The following NCAPG variants were observed in gnomAD, a reference collection of about 807,000 sequenced individuals.
NCAPG encodes condensin complex subunit 3.
In NCAPG, 69 loss-of-function variants were observed where a neutral mutation model predicts 113.1. The observed-to-expected ratio is 0.61, with a 90% CI of 0.50 to 0.75. The LOEUF (loss-of-function observed/expected upper bound fraction) is 0.75. Among genes scored for constraint, NCAPG ranks in the 30% least tolerant of loss-of-function variants. NCAPG has a pLI of 0.00. For missense variants in NCAPG, 1,058 were observed against 1,177.0 expected (o/e 0.90, Z 1.48); for synonymous variants, 370 against 415.8 (o/e 0.89, Z 1.34).
Position 17,823,066 on chromosome 4 carries a change from T to C in NCAPG, c.1202T>C (p.Ile401Thr), listed in dbSNP as rs1392049118. The C allele has an allele frequency of 1.2e-5, 19 of 1,610,096 alleles. No homozygotes were observed. In the East Asian group the frequency reaches 2.0e-4, roughly 17 times the overall value. The change falls in exon 8 of 21, where the codon ATA (isoleucine) becomes ACA (threonine). Residue 401 changes from isoleucine (I) to threonine (T), a missense_variant. Ile to Thr is a moderately conservative substitution (Grantham distance 89). Transcript: ENST00000251496. Reference protein sequence around the residue: ...YIGNLMTKEFIGQQLILIIKS... With the variant: ...YIGNLMTKEFTGQQLILIIKS... ...GGAAATTTGATGACAAAAGAATTCA[T>C]AGGTCAACAATTGATTCTAATTATT... is the stretch of plus-strand genomic sequence containing the variant.
intron 5 of NCAPG, among the ~76,000 whole-genome samples, chr4:17,816,247 G>A (rs1366957347): frequency 6.6e-6 from 1 of 152,060 alleles, no homozygotes; most frequent in Non-Finnish European, 1.5e-5. Flanking sequence ...TACCTCATGT[G>A]CGCAGTTCAC....
rs769515012 is a variant in NCAPG, at chr4:17,818,055, C to T, written c.1085C>T (p.Pro362Leu). The change falls in exon 7 of 21, where the codon CCA (proline) becomes CTA (leucine). Residue 362 changes from proline (P) to leucine (L), a missense_variant. Coordinates refer to ENST00000251496, the MANE Select transcript of NCAPG (RefSeq NM_022346.5). Reference sequence around the variant, plus strand: ...GAAGAATTTTTAGAGCAGATTTTGCCAGAGCCTGTAGTATATGCAGACTAT... The same window carrying T: ...GAAGAATTTTTAGAGCAGATTTTGCTAGAGCCTGTAGTATATGCAGACTAT... ...EGEEFLEQIL[P>L]EPVVYADYLL... The T allele has an allele frequency of 1.2e-6, 2 of 1,612,960 alleles. No homozygotes were observed. Among genetic ancestry groups the T allele is most frequent in the Non-Finnish European group, 1.7e-6 (2 of 1,179,556 alleles).
Position 17,840,227 on chromosome 4 carries a change from AG to A in NCAPG, c.2767+19del, listed in dbSNP as rs1722294279. Reference sequence around the variant, plus strand: ...TGAAGATGGTAATCACATACTGAACAGAATATTTATAAGGTTCTGTTTTTTT... The same window carrying A: ...TGAAGATGGTAATCACATACTGAACAAATATTTATAAGGTTCTGTTTTTTT... On this transcript the variant is annotated intron_variant, in intron 18 of 20. Coordinates refer to ENST00000251496, the MANE Select transcript of NCAPG (RefSeq NM_022346.5). 6.5e-7 allele frequency: 1 copy of A among 1,543,628 alleles called. No homozygotes were observed.
chr4:17,824,037 G>C (rs996786078), intron 9 of NCAPG, among the ~76,000 whole-genome samples: 1 of 152,092 alleles, frequency 6.6e-6, no homozygotes, highest in Non-Finnish European at 1.5e-5. Flanking sequence ...TGGGGATATG[G>C]TTTTGTCCAT....
At chr4:17,822,190 CTTTT>C (rs1159844034) in intron 7 of NCAPG, among the ~76,000 whole-genome samples, 1 of 111,746 alleles carries the variant, frequency 8.9e-6, no homozygotes, top group Non-Finnish European at 1.9e-5. Context: ...AAGATTAAAT[CTTTT>C]TTTTTTTTTT....
intron 6 of NCAPG, 121 bp from the exon 7 acceptor site, chr4:17,817,818 T>C (rs1721276382): frequency 1.0e-6 from 1 of 974,388 alleles, no homozygotes; most frequent in Non-Finnish European, 1.4e-6. Flanking sequence ...CATTAATGAC[T>C]CTAATTAAAA....
intron 11 of NCAPG, among the ~76,000 whole-genome samples, chr4:17,825,923 ATC>A (rs1335270595): frequency 6.6e-6 from 1 of 152,020 alleles, no homozygotes; most frequent in Non-Finnish European, 1.5e-5. Flanking sequence ...TTTGTGGAGG[ATC>A]AATGACCTTT....
chr4:17,835,375 A>G (rs900035747), intron 14 of NCAPG, among the ~76,000 whole-genome samples: 4 of 151,996 alleles, frequency 2.6e-5, no homozygotes, highest in African/African-American at 9.7e-5. Context: ...AATTTTTTGT[A>G]GAGACAGGGT....
intron 7 of NCAPG, among the ~76,000 whole-genome samples, chr4:17,822,116 T>C (rs1414986662): frequency 6.6e-6 from 1 of 151,934 alleles, no homozygotes; most frequent in Non-Finnish European, 1.5e-5. Flanking sequence ...ATTGTATTCA[T>C]GGATTACTTG....
chr4:17,822,883 A>G (rs760950514), intron 7 of NCAPG, 100 bp from the exon 8 acceptor site: 1 of 879,542 alleles, frequency 1.1e-6, no homozygotes, highest in Non-Finnish European at 1.7e-6. Context: ...ATTTAGACGA[A>G]TATGACCTGA....
At chr4:17,823,562 T>C in intron 8 of NCAPG, 85 bp from the exon 9 acceptor site, 1 of 1,208,850 alleles carries the variant, frequency 8.3e-7, no homozygotes, top group Admixed American at 2.1e-5. Flanking sequence ...GAGGCAAATG[T>C]AATTAAGTTT....
rs1260945702 is a variant in NCAPG, at chr4:17,842,308, A to G, written c.2855-2A>G. 1 of 1,611,410 alleles carries G rather than the reference A, an allele frequency of 6.2e-7. No individual in the cohort carries two copies. The highest frequency in any genetic ancestry group is 8.5e-7 in the Non-Finnish European group (1 of 1,177,934). On this transcript the variant is annotated splice_acceptor_variant, in intron 19 of 20. Transcript: ENST00000251496. LOFTEE classifies it high-confidence loss of function. ...CTGATAATGAATTATACTATCTTCAAGGACAGAGAAAAGTGACAGTTTCAG... is the reference window on the plus strand; with the variant it reads ...CTGATAATGAATTATACTATCTTCAGGGACAGAGAAAAGTGACAGTTTCAG...
intron 12 of NCAPG, among the ~76,000 whole-genome samples, chr4:17,830,555 T>C (rs975691775): frequency 2.8e-4 from 41 of 145,578 alleles, no homozygotes; most frequent in African/African-American, 1.0e-3. Flanking sequence ...TAGTTTCACT[T>C]TTTTTTTTTT....
intron 13 of NCAPG, among the ~76,000 whole-genome samples, chr4:17,832,611 G>A (rs772809522): frequency 2.6e-5 from 4 of 152,170 alleles, no homozygotes; most frequent in Non-Finnish European, 4.4e-5. Context: ...GAGTATAGGG[G>A]AGAGGTCCAA....
Position 17,844,198 on chromosome 4 carries a change from C to A in NCAPG, c.*773C>A, listed in dbSNP as rs74327664. 6.6e-6 allele frequency: 1 copy of A among 152,126 alleles called. No homozygotes were observed. The highest frequency in any genetic ancestry group is 1.5e-5 in the Non-Finnish European group (1 of 67,832). 9.4% of individuals were successfully genotyped at this position (152,126 alleles called of 1,614,324 possible). ...TGTGACAGGAACTTCTCTTTATATA[C>A]GCTACCAATTTATGAGCACTATTCA... On this transcript the variant is annotated 3_prime_UTR_variant, in exon 21 of 21. Coordinates refer to ENST00000251496, the MANE Select transcript of NCAPG (RefSeq NM_022346.5).
rs781566786 is a variant in NCAPG, at chr4:17,814,962, G to A, written c.654G>A (p.Lys218=). 2 of 1,614,214 alleles carry A rather than the reference G, an allele frequency of 1.2e-6. No individual in the cohort carries two copies. The highest frequency in any genetic ancestry group is 1.3e-5 in the African/African-American group (1 of 75,066). Residue 218 remains lysine, a synonymous_variant, in exon 4 of 21, where the codon AAG becomes AAA. Coordinates refer to ENST00000251496, the MANE Select transcript of NCAPG (RefSeq NM_022346.5). Reference sequence around the variant, plus strand: ...TGCCAAAAATTGTAGGGCGCACCAAGGATGTGAAAGAGGCTGTCAGAAAGC... The same window carrying A: ...TGCCAAAAATTGTAGGGCGCACCAAAGATGTGAAAGAGGCTGTCAGAAAGC... ...KTLPKIVGRT[K]DVKEAVRKLA...
chr4:17,830,154 G>T (rs969400424), intron 12 of NCAPG, among the ~76,000 whole-genome samples: 2 of 152,146 alleles, frequency 1.3e-5, no homozygotes, highest in African/African-American at 4.8e-5. Context: ...TAGTACATTG[G>T]GAGGCCAAGG....
In NCAPG at chr4:17,812,315, T is replaced by C. The variant is rs1721017502; in HGVS notation, c.206T>C (p.Ile69Thr). The C allele has an allele frequency of 3.7e-6, 6 of 1,613,706 alleles. No individual in the cohort carries two copies. The highest frequency in any genetic ancestry group is 4.5e-5 in the East Asian group (2 of 44,784). ...CGTGAACCAGCTGTGGAGAGGGTAA[T>C]AGAATTTGCAGCAAAGTTTGTTACC... ...YKREPAVERV[I>T]EFAAKFVTSF... Residue 69 changes from isoleucine (I) to threonine (T), a missense_variant, in exon 2 of 21, where the codon ATA (isoleucine) becomes ACA (threonine). By Grantham distance (89) the Ile-to-Thr change is moderately conservative (BLOSUM62 -1). Transcript: ENST00000251496.
chr4:17,827,607 G>C (rs1189537433), intron 11 of NCAPG, among the ~76,000 whole-genome samples: 1 of 152,106 alleles, frequency 6.6e-6, no homozygotes, highest in Non-Finnish European at 1.5e-5. Flanking sequence ...AGGAAGAGGA[G>C]AGATTTGTGT....
Sources: gnomAD v4.1 joint callset for allele counts (sites outside exome capture counted in the v4.1 genomes callset) on GRCh38, gnomAD v4.1.1 for gene constraint, MANE v1.5 for transcripts, NCBI Gene and HGNC (gene_info 2026-07-23, HGNC 2026-07-21) for gene names.